The following NEGR1 variants were observed in gnomAD, a reference collection of about 807,000 sequenced individuals.
The protein encoded by NEGR1 is IgLON family member 4.
A neutral mutation model predicts 40.9 loss-of-function variants in NEGR1; 10 were observed. The observed-to-expected ratio is 0.24, with a 90% CI of 0.15 to 0.42. The LOEUF (loss-of-function observed/expected upper bound fraction) is 0.42. Ranked by LOEUF, NEGR1 falls within the 10% of genes least tolerant of loss-of-function variation. The pLI is 1.00. For missense variants in NEGR1, 352 were observed against 438.9 expected (o/e 0.80, Z 1.77); for synonymous variants, 185 against 166.8 (o/e 1.11, Z -0.84).
chr1:72,261,389 C>T (rs1198119522), intron 1 of NEGR1, among the ~76,000 whole-genome samples: 1 of 151,916 alleles, frequency 6.6e-6, no homozygotes, highest in Non-Finnish European at 1.5e-5. Context: ...GCATGTTTCT[C>T]AAACTTCATT....
Position 71,407,332 on chromosome 1 carries a change from C to G in NEGR1, c.*114G>C. Reference sequence around the variant, plus strand: ...GCAATTCTACAGAAGGCGATCATCCCCATGTAAGCACTGCTGATTATATCC... The same window carrying G: ...GCAATTCTACAGAAGGCGATCATCCGCATGTAAGCACTGCTGATTATATCC... On this transcript the variant is annotated 3_prime_UTR_variant, in exon 7 of 7. Transcript: ENST00000357731. The G allele has an allele frequency of 8.2e-6, 7 of 848,926 alleles. No individual in the cohort carries two copies. The South Asian group carries it at 1.3e-4, about 16-fold the overall frequency. 52.6% of individuals were successfully genotyped at this position (848,926 alleles called of 1,614,324 possible).
chr1:71,910,189 C>A (rs1396097726), intron 2 of NEGR1, among the ~76,000 whole-genome samples: 1 of 152,136 alleles, frequency 6.6e-6, no homozygotes, highest in Non-Finnish European at 1.5e-5. Context: ...GGCCAGAACA[C>A]ATGCTAGATG....
intron 3 of NEGR1, among the ~76,000 whole-genome samples, chr1:71,707,038 C>T (rs372727998): frequency 5.3e-5 from 8 of 152,092 alleles, no homozygotes; most frequent in South Asian, 2.1e-4. Context: ...GATGCCCATC[C>T]GAAGAAGGAG....
At chr1:71,978,040 A>T (rs1027742904) in intron 1 of NEGR1, among the ~76,000 whole-genome samples, 2 of 152,158 alleles carry the variant, frequency 1.3e-5, no homozygotes, top group African/African-American at 4.8e-5. Flanking sequence ...GTTTTTCTCA[A>T]ATTGCAAGAG....
intron 2 of NEGR1, among the ~76,000 whole-genome samples, chr1:71,826,926 T>C (rs1288842945): frequency 2.6e-5 from 4 of 151,858 alleles, no homozygotes; most frequent in East Asian, 2.0e-4. Flanking sequence ...GGTAAGCAAA[T>C]AGCATTTTAT....
chr1:71,663,119 G>C (rs1652124036), intron 4 of NEGR1, among the ~76,000 whole-genome samples: 1 of 151,880 alleles, frequency 6.6e-6, no homozygotes, highest in Non-Finnish European at 1.5e-5. Context: ...ACCATGCCTG[G>C]CTAATTTTTT....
intron 1 of NEGR1, among the ~76,000 whole-genome samples, chr1:72,151,657 T>C (rs1162401545): frequency 6.6e-6 from 1 of 151,750 alleles, no homozygotes; most frequent in East Asian, 1.9e-4. Flanking sequence ...CAACGGGAAA[T>C]ATAATAATTG....
chr1:71,792,134 A>C (rs368991883), intron 2 of NEGR1, among the ~76,000 whole-genome samples: 183 of 152,290 alleles, frequency 1.2e-3, no homozygotes, highest in African/African-American at 4.1e-3. Context: ...GAGGGCCTGA[A>C]GTTTCACAGG....
chr1:71,813,432 T>C (rs1658078663), intron 2 of NEGR1, among the ~76,000 whole-genome samples: 1 of 152,142 alleles, frequency 6.6e-6, no homozygotes, highest in Non-Finnish European at 1.5e-5. Context: ...TTTGGTCCCA[T>C]AAGAATTTTA....
chr1:71,414,046 C>G (rs1049588659), intron 6 of NEGR1, among the ~76,000 whole-genome samples: 2 of 152,102 alleles, frequency 1.3e-5, no homozygotes, highest in Admixed American at 6.6e-5. Flanking sequence ...CTTAGAGTTA[C>G]TAAAGCTATA....
chr1:72,014,078 G>C (rs1210942825), intron 1 of NEGR1, among the ~76,000 whole-genome samples: 1 of 151,084 alleles, frequency 6.6e-6, no homozygotes, highest in African/African-American at 2.4e-5. Context: ...AAGCTCTGGG[G>C]AAGGTTAAAG....
rs1199509790 is a variant in NEGR1, at chr1:72,048,620, T to C, written c.177-113309A>G. Among the ~76,000 whole-genome samples, 41 of 151,550 alleles carry C rather than the reference T, an allele frequency of 2.7e-4. No homozygotes were observed. In the Admixed American group the frequency reaches 2.7e-3, roughly 10 times the overall value. On this transcript the variant is annotated intron_variant, in intron 1 of 6. Transcript: ENST00000357731. ...TGGGGACAGGAACAAGCCTTACATC[T>C]ACTAGCAAATAGAAACTAAAAATTT...
intron 6 of NEGR1, among the ~76,000 whole-genome samples, chr1:71,507,456 G>A (rs1415189636): frequency 6.6e-6 from 1 of 152,176 alleles, no homozygotes; most frequent in Non-Finnish European, 1.5e-5. Context: ...CGGGAATTAT[G>A]GGTGTATTGG....
At chr1:71,609,632 T>C (rs1650188138) in intron 5 of NEGR1, among the ~76,000 whole-genome samples, 2 of 144,716 alleles carry the variant, frequency 1.4e-5, no homozygotes, top group African/African-American at 5.0e-5. Context: ...CTTCCACAAA[T>C]CTTTTGATTC....
At chr1:71,510,805 G>T (rs527871531) in intron 6 of NEGR1, among the ~76,000 whole-genome samples, 1 of 152,138 alleles carries the variant, frequency 6.6e-6, no homozygotes, top group African/African-American at 2.4e-5. Context: ...TCTCACTTCC[G>T]CTATACTTTG....
intron 4 of NEGR1, among the ~76,000 whole-genome samples, chr1:71,636,513 T>A (rs1293412341): frequency 6.6e-6 from 1 of 152,070 alleles, no homozygotes; most frequent in Non-Finnish European, 1.5e-5. Flanking sequence ...AATCATGAAT[T>A]GATGGATTGA....
intron 1 of NEGR1, among the ~76,000 whole-genome samples, chr1:72,145,600 TA>T (rs2100344465): frequency 6.6e-6 from 1 of 152,092 alleles, no homozygotes; most frequent in East Asian, 1.9e-4. Context: ...ATGGTTGGAC[TA>T]GGGGGTAGAG....
intron 6 of NEGR1, among the ~76,000 whole-genome samples, chr1:71,572,969 G>T (rs184281740): frequency 1.3e-5 from 2 of 152,158 alleles, no homozygotes; most frequent in Non-Finnish European, 2.9e-5. Context: ...CTGGATAAGC[G>T]TAGTTTAAGA....
At chr1:71,619,966 T>C (rs936632372) in intron 4 of NEGR1, among the ~76,000 whole-genome samples, 2 of 152,080 alleles carry the variant, frequency 1.3e-5, no homozygotes, top group African/African-American at 4.8e-5. Flanking sequence ...GCTTTAGTCA[T>C]GTAGAGAGTA....
Sources: gnomAD v4.1 joint callset for allele counts (sites outside exome capture counted in the v4.1 genomes callset) on GRCh38, gnomAD v4.1.1 for gene constraint, MANE v1.5 for transcripts, NCBI Gene and HGNC (gene_info 2026-07-23, HGNC 2026-07-21) for gene names.